Variants in STX1A observed in about 807,000 individuals in gnomAD.
The protein encoded by STX1A is syntaxin 1A, also known as syntaxin-1A.
A neutral mutation model predicts 37.8 loss-of-function variants in STX1A; 4 were observed. The ratio of observed to expected loss-of-function variants is 0.11; its 90% CI spans 0.05 to 0.24. The LOEUF (loss-of-function observed/expected upper bound fraction) is 0.24, where lower values mean the gene tolerates loss of function less well. Ranked by LOEUF, STX1A falls within the 10% of genes least tolerant of loss-of-function variation. The pLI is 1.00. For synonymous variants in STX1A, 135 were observed against 147.4 expected, an observed-to-expected ratio of 0.92 and a Z score of 0.61; for missense variants, 251 against 399.9, an observed-to-expected ratio of 0.63 and a Z score of 3.18.
chr7:73,719,604 T>C lies in STX1A; in HGVS notation c.28A>G (p.Thr10Ala). Residue 10 changes from threonine (T) to alanine (A), a missense_variant and splice_region_variant, in exon 1 of 10, where the codon ACG becomes GCG. By Grantham distance (58) the Thr-to-Ala change is moderately conservative. Around this residue, in one of 2 missense-constraint regions of STX1A, gnomAD observed 37 missense variants for 32.3 expected, o/e 1.15. Coordinates refer to ENST00000222812, the MANE Select transcript of STX1A (RefSeq NM_004603.4). ...CCGCGCGCTGGGGCCGGACTCACCGTGCGGAGCTCCTGGGTTCGGTCCTTC... is the reference window on the plus strand; with the variant it reads ...CCGCGCGCTGGGGCCGGACTCACCGCGCGGAGCTCCTGGGTTCGGTCCTTC... MKDRTQELR[T>A]AKDSDDDDDV... The C allele has an allele frequency of 8.3e-7, 1 of 1,206,516 alleles. No homozygotes were observed. The allele number at this position is 1,206,516 out of a possible 1,614,324, so 74.7% of individuals were successfully genotyped here.
At chr7:73,708,727 G>A (rs1186780282) in intron 2 of STX1A, 39 bp from the exon 3 acceptor site, 3 of 1,597,620 alleles carry the variant, frequency 1.9e-6, no homozygotes, top group Non-Finnish European at 2.6e-6. Context: ...AAGGAAATCA[G>A]GGGAGAAGCC....
intron 6 of STX1A, 79 bp downstream of exon 6, chr7:73,704,062 CAGCCTTG>C: frequency 1.4e-6 from 2 of 1,428,526 alleles, no homozygotes; most frequent in Non-Finnish European, 9.4e-7. Flanking sequence ...AACTAAGCAG[CAGCCTTG>C]AGCCACGCAC....
At position 73,710,105 on chromosome 7, in the gene STX1A, G is replaced by T. The variant is rs185281234; in HGVS notation, c.31-983C>A. 3.2e-3 allele frequency among the ~76,000 whole-genome samples: 493 copies of T among 152,332 alleles called. 1 individual carries two copies. Among genetic ancestry groups the T allele is most frequent in the African/African-American group, 0.011 (460 of 41,564 alleles). ...CAGACCTGGGCCCAGCAGGCACAAGGGGACAGTCATGTTGCCACTTGGCTT... is the reference window on the plus strand; with the variant it reads ...CAGACCTGGGCCCAGCAGGCACAAGTGGACAGTCATGTTGCCACTTGGCTT... On this transcript the variant is annotated intron_variant, in intron 1 of 9. Transcript: ENST00000222812.
intron 6 of STX1A, 29 bp downstream of exon 6, chr7:73,704,119 C>T (rs782668184): frequency 1.3e-6 from 2 of 1,540,086 alleles, no homozygotes; most frequent in South Asian, 1.1e-5. Context: ...AGGCTCCAGG[C>T]CCCGCCCCAG....
At chr7:73,710,011 TG>T (rs1799040689) in intron 1 of STX1A, among the ~76,000 whole-genome samples, 1 of 152,180 alleles carries the variant, frequency 6.6e-6, no homozygotes, top group Non-Finnish European at 1.5e-5. Flanking sequence ...GGATTGTAGG[TG>T]TGAGCCACTG....
At position 73,709,839 on chromosome 7, in the gene STX1A, C is replaced by T. The variant is rs1180026047; in HGVS notation, c.31-717G>A. ...CCACTAAACCCCAGTCCCGAGGTGG[C>T]ACGGATCAGATCTCTTAGGAATCTC... On this transcript the variant is annotated intron_variant, in intron 1 of 9. Coordinates refer to ENST00000222812, the MANE Select transcript of STX1A (RefSeq NM_004603.4). The surrounding 1 kb of genome is among the most constrained non-coding windows in gnomAD (Gnocchi z 4.2). Among the ~76,000 whole-genome samples, 2 of 152,200 alleles carry T rather than the reference C, an allele frequency of 1.3e-5. No individual in the cohort carries two copies. Among genetic ancestry groups the T allele is most frequent in the East Asian group, 3.8e-4 (2 of 5,200 alleles).
Position 73,705,282 on chromosome 7 carries a change from A to C in STX1A, c.209-58T>G. The C allele has an allele frequency of 6.9e-7, 1 of 1,442,494 alleles. No homozygotes were observed. Among genetic ancestry groups the C allele is most frequent in the Non-Finnish European group, 9.7e-7 (1 of 1,025,992 alleles). 89.4% of individuals were successfully genotyped at this position (1,442,494 alleles called of 1,614,324 possible). On this transcript the variant is annotated intron_variant, in intron 3 of 9. Coordinates refer to ENST00000222812, the MANE Select transcript of STX1A (RefSeq NM_004603.4). This position sits in a 1 kb window ranked among gnomAD's most constrained non-coding sequence, Gnocchi z 5.2. ...CTAGGCTCCGCGGGGACTGATGTGC[A>C]GGCTCAGCCTCCAGCCCAGGGGGCC...
At position 73,702,737 on chromosome 7, in the gene STX1A, C is replaced by G; in HGVS notation, c.678+108G>C. 6.3e-7 allele frequency: 1 copy of G among 1,577,874 alleles called. No individual in the cohort carries two copies. On this transcript the variant is annotated intron_variant, in intron 8 of 9. Coordinates refer to ENST00000222812, the MANE Select transcript of STX1A (RefSeq NM_004603.4). This position sits in a 1 kb window ranked among gnomAD's most constrained non-coding sequence, Gnocchi z 4.7. ...CAGCGGGTGATTGGTTACCTGAGAA[C>G]TTGGTCCCTCCCCGGCAGGGCAGCG...
intron 3 of STX1A, among the ~76,000 whole-genome samples, chr7:73,707,184 AG>A (rs1283244586): frequency 6.6e-6 from 1 of 152,112 alleles, no homozygotes; most frequent in African/African-American, 2.4e-5. Flanking sequence ...GCTCATGGTG[AG>A]CCCCCCTCCA....
In STX1A at chr7:73,700,459, C is replaced by G. The variant is rs1554615659; in HGVS notation, c.815G>C (p.Cys272Ser). ...GGCGATGACGATGCCCAGGATCACA[C>G]AGCAGATGATGATCATGATTTTCTT... is the stretch of plus-strand genomic sequence containing the variant. The part of the protein sequence containing the change: ...RRKKIMIIIC[C>S]VILGIVIAST... The change falls in exon 10 of 10, where the codon TGT becomes TCT. Residue 272 changes from cysteine to serine, a missense_variant. By Grantham distance (112) the Cys-to-Ser change is moderately radical. This residue lies in a region of STX1A where 214 missense variants were observed against 367.6 expected (regional missense o/e 0.58). Transcript: ENST00000222812. The surrounding 1 kb of genome is among the most constrained non-coding windows in gnomAD (Gnocchi z 4.4). 5 of 1,613,916 alleles carry G rather than the reference C, an allele frequency of 3.1e-6. No homozygotes were observed. Among genetic ancestry groups the G allele is most frequent in the Non-Finnish European group, 4.2e-6 (5 of 1,180,002 alleles).
chr7:73,705,460 T>A lies in STX1A; in HGVS notation c.209-236A>T, dbSNP rs1798835864. The A allele has an allele frequency of 3.9e-6, 2 of 509,360 alleles. No homozygotes were observed. The highest frequency in any genetic ancestry group is 6.8e-5 in the East Asian group (2 of 29,342). The allele number at this position is 509,360 out of a possible 1,614,324, so 31.6% of individuals were successfully genotyped here. A position where few individuals can be genotyped will look rare whatever the true frequency, so the allele number is the denominator to read the frequency against. On this transcript the variant is annotated intron_variant, in intron 3 of 9. Coordinates refer to ENST00000222812, the MANE Select transcript of STX1A (RefSeq NM_004603.4). The surrounding 1 kb of genome is among the most constrained non-coding windows in gnomAD (Gnocchi z 5.2). Reference sequence around the variant, plus strand: ...TCTTCGGAGGAGCCTCCCTTCCTCCTTTGCTGGCGCCCCCACCCCCTGGAG... The same window carrying A: ...TCTTCGGAGGAGCCTCCCTTCCTCCATTGCTGGCGCCCCCACCCCCTGGAG...
chr7:73,712,853 C>G (rs535497020), intron 1 of STX1A, among the ~76,000 whole-genome samples: 33 of 152,322 alleles, frequency 2.2e-4, no homozygotes, highest in Admixed American at 7.8e-4. Flanking sequence ...ACAGCCCCTG[C>G]CCAAGAGTTG....
chr7:73,702,501 G>T lies in STX1A; in HGVS notation c.678+344C>A, dbSNP rs1023491973. The T allele has an allele frequency of 4.9e-5, 23 of 465,546 alleles. No homozygotes were observed. Among genetic ancestry groups the T allele is most frequent in the Non-Finnish European group, 8.0e-5 (22 of 275,382 alleles). The allele number at this position is 465,546 out of a possible 1,614,324, so 28.8% of individuals were successfully genotyped here. On this transcript the variant is annotated intron_variant, in intron 8 of 9. Transcript: ENST00000222812. The surrounding 1 kb of genome is among the most constrained non-coding windows in gnomAD (Gnocchi z 4.7). ...AACAGCCATTCACTCCAGGAAGCAG[G>T]TCCCTGAGCTGTCCTGGTCACTGCT...
At position 73,700,924 on chromosome 7, in the gene STX1A, C is replaced by G; in HGVS notation, c.679-84G>C. ...CTCGGGGCAGGACTTCAGGAAAGCA[C>G]CCTGAGGCTAGAGACAAAAAGGGGG... On this transcript the variant is annotated intron_variant, in intron 8 of 9. Coordinates refer to ENST00000222812, the MANE Select transcript of STX1A (RefSeq NM_004603.4). This position sits in a 1 kb window ranked among gnomAD's most constrained non-coding sequence, Gnocchi z 4.4. 6.3e-7 allele frequency: 1 copy of G among 1,583,780 alleles called. No homozygotes were observed. Among genetic ancestry groups the G allele is most frequent in the Non-Finnish European group, 8.5e-7 (1 of 1,169,692 alleles).
chr7:73,700,976 C>T lies in STX1A; in HGVS notation c.679-136G>A, dbSNP rs782495359. On this transcript the variant is annotated intron_variant, in intron 8 of 9. Transcript: ENST00000222812. The surrounding 1 kb of genome is among the most constrained non-coding windows in gnomAD (Gnocchi z 4.4). ...GTGAGGAGGTTAGGGTACAGCTTCT[C>T]ACCTGGGCCAGGTACCCTGGGTGGG... 2.0e-6 allele frequency: 3 copies of T among 1,499,514 alleles called. No individual in the cohort carries two copies. The highest frequency in any genetic ancestry group is 2.0e-5 in the Admixed American group (1 of 48,904). The allele number at this position is 1,499,514 out of a possible 1,614,324, so 92.9% of individuals were successfully genotyped here. A position where few individuals can be genotyped will look rare whatever the true frequency, so the allele number is the denominator to read the frequency against.
In STX1A at chr7:73,701,256, C is replaced by T. The variant is rs1218928021; in HGVS notation, c.679-416G>A. 10 of 386,654 alleles carry T rather than the reference C, an allele frequency of 2.6e-5. No homozygotes were observed. In the Admixed American group the frequency reaches 3.2e-4, roughly 12 times the overall value. The allele number at this position is 386,654 out of a possible 1,614,324, so 24.0% of individuals were successfully genotyped here. A position where few individuals can be genotyped will look rare whatever the true frequency, so the allele number is the denominator to read the frequency against. Reference sequence around the variant, plus strand: ...CCCACACCCCCATCCTCAGGCATGACAGCTCCATCCAGCTCTGTCTGCTGT... The same window carrying T: ...CCCACACCCCCATCCTCAGGCATGATAGCTCCATCCAGCTCTGTCTGCTGT... On this transcript the variant is annotated intron_variant, in intron 8 of 9. Transcript: ENST00000222812.
At chr7:73,718,679 C>T (rs1799379437) in intron 1 of STX1A, among the ~76,000 whole-genome samples, 1 of 152,112 alleles carries the variant, frequency 6.6e-6, no homozygotes. Flanking sequence ...TCCCGGTCAC[C>T]ATCCTCCTGG....
At chr7:73,703,661 G>A in intron 7 of STX1A, 94 bp downstream of exon 7, 1 of 1,421,662 alleles carries the variant, frequency 7.0e-7, no homozygotes, top group Non-Finnish European at 9.8e-7. Flanking sequence ...CAAGGGGTCT[G>A]TGTCCAAATA....
intron 1 of STX1A, chr7:73,711,396 G>A (rs895356504): frequency 5.9e-5 from 9 of 153,754 alleles, no homozygotes; most frequent in African/African-American, 1.2e-4. Flanking sequence ...TGATAGAGGC[G>A]GCTCAGAGGG....
Sources: gnomAD v4.1 joint callset for allele counts (sites outside exome capture counted in the v4.1 genomes callset) on GRCh38, gnomAD v4.1.1 for gene constraint, gnomAD v4.1.1 regional missense constraint, Gnocchi (gnomAD v3.1) non-coding constraint, MANE v1.5 for transcripts, NCBI Gene and HGNC (gene_info 2026-07-23, HGNC 2026-07-21) for gene names.